PTPRD: variants seen among roughly 807,000 people sequenced by gnomAD.
PTPRD encodes receptor-type tyrosine-protein phosphatase delta.
PTPRD carries 34 observed loss-of-function variants against 214.5 expected under a neutral mutation model. The observed-to-expected ratio is 0.16, with a 90% CI of 0.12 to 0.21. PTPRD has a LOEUF of 0.21. Ranked by LOEUF, PTPRD falls within the 10% of genes least tolerant of loss-of-function variation. The pLI is 1.00. For synonymous variants in PTPRD, 1,128 were observed against 845.7 expected, an observed-to-expected ratio of 1.33 and a Z score of -5.79; for missense variants, 2,545 against 2,398.7, an observed-to-expected ratio of 1.06 and a Z score of -1.27.
chr9:10,380,771 A>G (rs1022452113), intron 2 of PTPRD, among the ~76,000 whole-genome samples: 5 of 94,602 alleles, frequency 5.3e-5, no homozygotes, highest in African/African-American at 1.8e-4. Context: ...CCCAGCTCAA[A>G]TAAATATCAC....
chr9:9,275,151 TA>T (rs1280457299), intron 9 of PTPRD, among the ~76,000 whole-genome samples: 6 of 64,580 alleles, frequency 9.3e-5, no homozygotes, highest in East Asian at 6.2e-4. Flanking sequence ...ATATATAATA[TA>T]TTATATATAT....
At chr9:8,319,713 G>C in intron 45 of PTPRD, 118 bp downstream of exon 45, 1 of 1,281,482 alleles carries the variant, frequency 7.8e-7, no homozygotes, top group Non-Finnish European at 1.1e-6. Flanking sequence ...TTATTAAACA[G>C]TTTGATGCTT....
intron 45 of PTPRD, among the ~76,000 whole-genome samples, chr9:8,318,309 C>G (rs1823547610): frequency 6.6e-6 from 1 of 152,048 alleles, no homozygotes; most frequent in African/African-American, 2.4e-5. Flanking sequence ...TCATCCTTTA[C>G]AATTATCTGC....
At chr9:8,463,185 C>G (rs1482319758) in intron 32 of PTPRD, among the ~76,000 whole-genome samples, 1 of 151,406 alleles carries the variant, frequency 6.6e-6, no homozygotes, top group African/African-American at 2.4e-5. Context: ...TGCTTGTATA[C>G]TACTCTTCTC....
intron 39 of PTPRD, among the ~76,000 whole-genome samples, chr9:8,374,120 G>C (rs1003839116): frequency 1.6e-4 from 12 of 73,642 alleles, no homozygotes; most frequent in Non-Finnish European, 2.3e-4. Flanking sequence ...GTGTCTGTGT[G>C]TGTGTGTGTG....
intron 2 of PTPRD, among the ~76,000 whole-genome samples, chr9:10,414,668 G>A (rs1464865127): frequency 6.6e-6 from 1 of 151,860 alleles, no homozygotes; most frequent in Non-Finnish European, 1.5e-5. Context: ...ATTCACAATA[G>A]CAAAGACATG....
chr9:9,243,293 G>A (rs898418714), intron 9 of PTPRD, among the ~76,000 whole-genome samples: 1 of 152,066 alleles, frequency 6.6e-6, no homozygotes, highest in South Asian at 2.1e-4. Context: ...CATTTTATGA[G>A]GTCAGCATCA....
chr9:10,604,972 T>TA (rs2078924762), intron 2 of PTPRD, among the ~76,000 whole-genome samples: 1 of 151,814 alleles, frequency 6.6e-6, no homozygotes, highest in Non-Finnish European at 1.5e-5. Context: ...TCAGGGGGAA[T>TA]AAAAAAGGAA....
At chr9:8,404,513 T>A in intron 36 of PTPRD, 24 bp downstream of exon 36, 1 of 1,599,964 alleles carries the variant, frequency 6.3e-7, no homozygotes, top group Non-Finnish European at 8.6e-7. Context: ...AATAAAGGTA[T>A]CAGTGATGTC....
At chr9:8,984,371 A>C (rs2099328954) in intron 11 of PTPRD, among the ~76,000 whole-genome samples, 2 of 152,126 alleles carry the variant, frequency 1.3e-5, no homozygotes. Flanking sequence ...AGTACGATGA[A>C]TCTTTAATAA....
intron 11 of PTPRD, among the ~76,000 whole-genome samples, chr9:9,009,490 C>T (rs116402520): frequency 1.3e-5 from 2 of 151,394 alleles, no homozygotes; most frequent in Admixed American, 6.6e-5. Flanking sequence ...TAAATGTGTG[C>T]CATAGGGGTT....
At chr9:9,291,916 A>C (rs1211019452) in intron 9 of PTPRD, among the ~76,000 whole-genome samples, 1 of 150,266 alleles carries the variant, frequency 6.7e-6, no homozygotes, top group African/African-American at 2.4e-5. Flanking sequence ...ATCTCAAATG[A>C]ATGTCATGTA....
intron 3 of PTPRD, among the ~76,000 whole-genome samples, chr9:10,135,451 T>C (rs1198953156): frequency 2.6e-5 from 4 of 151,928 alleles, no homozygotes; most frequent in African/African-American, 9.7e-5. Flanking sequence ...GTCAATGTGA[T>C]AGAAAAAAAT....
intron 2 of PTPRD, among the ~76,000 whole-genome samples, chr9:10,516,328 G>A (rs2050093945): frequency 6.6e-6 from 1 of 151,808 alleles, no homozygotes; most frequent in African/African-American, 2.4e-5. Flanking sequence ...AATTAGTGAT[G>A]TTGAGCACAT....
intron 39 of PTPRD, among the ~76,000 whole-genome samples, chr9:8,365,976 T>A (rs2079764282): frequency 6.6e-6 from 1 of 152,178 alleles, no homozygotes; most frequent in African/African-American, 2.4e-5. Context: ...CCACAGTGTT[T>A]TGGGTTGGTA....
chr9:10,188,005 A>G (rs983028182), intron 3 of PTPRD, among the ~76,000 whole-genome samples: 4 of 152,182 alleles, frequency 2.6e-5, no homozygotes, highest in Non-Finnish European at 4.4e-5. Context: ...AAGTCTCTAC[A>G]ATTGAGGTCC....
chr9:8,852,367 C>T (rs915894176), intron 11 of PTPRD, among the ~76,000 whole-genome samples: 1 of 152,208 alleles, frequency 6.6e-6, no homozygotes. Context: ...GGTCACTATG[C>T]TCCTGACATT....
chr9:9,121,045 G>A (rs186587487), intron 10 of PTPRD, among the ~76,000 whole-genome samples: 60 of 152,248 alleles, frequency 3.9e-4, no homozygotes, highest in South Asian at 6.2e-4. Context: ...AAAAGAAAAC[G>A]TACAGAGGTT....
At chr9:10,011,327 T>A (rs993839497) in intron 4 of PTPRD, among the ~76,000 whole-genome samples, 2 of 151,980 alleles carry the variant, frequency 1.3e-5, no homozygotes, top group Non-Finnish European at 2.9e-5. Flanking sequence ...GTTTCCAATT[T>A]TCTTTTCCTT....
Sources: allele counts gnomAD v4.1 joint callset (sites outside exome capture counted in the v4.1 genomes callset), GRCh38; gene constraint gnomAD v4.1.1; transcripts MANE v1.5; gene names NCBI Gene and HGNC (gene_info 2026-07-23, HGNC 2026-07-21).